The following PMEL variants were observed in gnomAD, a reference collection of about 807,000 sequenced individuals.
PMEL encodes premelanosome protein.
PMEL carries 53 observed loss-of-function variants against 64.9 expected under a neutral mutation model. The ratio of observed to expected loss-of-function variants is 0.82; its 90% CI spans 0.66 to 1.03. PMEL has a LOEUF of 1.03. Ranked by LOEUF, PMEL falls within the 50% of genes least tolerant of loss-of-function variation. PMEL has a pLI of 0.00. For synonymous variants in PMEL, 299 were observed against 316.2 expected, an observed-to-expected ratio of 0.95 and a Z score of 0.58; for missense variants, 716 against 814.9, an observed-to-expected ratio of 0.88 and a Z score of 1.48.
chr12:55,956,318 G>T, intron 6 of PMEL, 99 bp from the exon 7 acceptor site: 1 of 730,354 alleles, frequency 1.4e-6, no homozygotes, highest in Non-Finnish European at 2.4e-6. Flanking sequence ...CAGAGTTACT[G>T]GATTCTGGAG....
chr12:55,954,254 A>G lies in PMEL; in HGVS notation c.1946T>C (p.Ile649Thr). Reference sequence around the variant, plus strand: ...ACTGAGGAGGGGGCTGTTCTCACCAATGGGACAAGAGCAGAAGATGCGGGG... The same window carrying G: ...ACTGAGGAGGGGGCTGTTCTCACCAGTGGGACAAGAGCAGAAGATGCGGGG... ...RLPRIFCSCP[I>T]GENSPLLSGQ... The change falls in exon 11 of 11, where the codon ATT becomes ACT. Residue 649 changes from isoleucine (I) to threonine (T), a missense_variant. Transcript: ENST00000548747. The G allele has an allele frequency of 6.2e-7, 1 of 1,613,678 alleles. No individual in the cohort carries two copies. Among genetic ancestry groups the G allele is most frequent in the South Asian group, 1.1e-5 (1 of 91,034 alleles).
chr12:55,961,793 C>A, intron 1 of PMEL, 61 bp from the exon 2 acceptor site: 1 of 1,007,228 alleles, frequency 9.9e-7, no homozygotes, highest in Non-Finnish European at 1.6e-6. Flanking sequence ...AGGGATAACA[C>A]TCTATTCATG....
Position 55,955,828 on chromosome 12 carries a change from G to A in PMEL, c.1507C>T (p.Pro503Ser), listed in dbSNP as rs1312659400. Residue 503 changes from proline to serine, a missense_variant, in exon 8 of 11, where the codon CCG (proline) becomes TCG (serine). Physicochemically the swap from Pro to Ser is moderately conservative, Grantham distance 74 (BLOSUM62 -1). Coordinates refer to ENST00000548747, the MANE Select transcript of PMEL (RefSeq NM_001384361.1). The part of the protein sequence containing the change: ...IESAEILQAV[P>S]SGEGDAFELT... ...TCAAATGCATCCCCCTCACCGGACG[G>A]CACAGCCTGCAGGATCTCGGCACTT... The A allele has an allele frequency of 6.2e-7, 1 of 1,614,070 alleles. No individual in the cohort carries two copies. The highest frequency in any genetic ancestry group is 2.2e-5 in the East Asian group (1 of 44,876).
At chr12:55,955,899 CT>C in intron 7 of PMEL, 36 bp from the exon 8 acceptor site, 1 of 1,566,918 alleles carries the variant, frequency 6.4e-7, no homozygotes, top group Non-Finnish European at 8.8e-7. Context: ...TAGGATTCCT[CT>C]ACCTGGCCTC....
At position 55,961,319 on chromosome 12, in the gene PMEL, T is replaced by A; in HGVS notation, c.332A>T (p.Asn111Ile). 6.2e-7 allele frequency: 1 copy of A among 1,614,020 alleles called. No homozygotes were observed. The highest frequency in any genetic ancestry group is 8.5e-7 in the Non-Finnish European group (1 of 1,179,940). ...ACCTAGAATAGAGAAGTACTCACCA[T>A]TGATGATGGTATTGTTGACCCAGAT... The part of the protein sequence containing the change: ...QVIWVNNTII[N>I]GSQVWGGQPV... Residue 111 changes from asparagine (N) to isoleucine (I), a missense_variant and splice_region_variant, in exon 3 of 11, where the codon AAT becomes ATT. Asn to Ile is a moderately radical substitution (Grantham distance 149, BLOSUM62 -3). Coordinates refer to ENST00000548747, the MANE Select transcript of PMEL (RefSeq NM_001384361.1).
intron 5 of PMEL, 116 bp downstream of exon 5, chr12:55,957,806 TC>T: frequency 1.3e-6 from 2 of 1,509,166 alleles, no homozygotes; most frequent in Non-Finnish European, 1.8e-6. Context: ...GCCTAGGTCT[TC>T]CTGGCCCTTC....
Position 55,955,522 on chromosome 12 carries a change from A to G in PMEL, c.1704T>C (p.Asn568=), listed in dbSNP as rs751323327. The change falls in exon 9 of 11, where the codon AAT becomes AAC. Residue 568 remains asparagine, a synonymous_variant. Coordinates refer to ENST00000548747, the MANE Select transcript of PMEL (RefSeq NM_001384361.1). ...GGCTGTTGGTATCAGCCAGAGACAC[A>G]TTGAGGCAGTATGTCCCCGAGCCAC... The part of the protein sequence containing the change: ...LKGGSGTYCL[N]VSLADTNSLA... The G allele has an allele frequency of 6.2e-7, 1 of 1,614,152 alleles. No individual in the cohort carries two copies. Among genetic ancestry groups the G allele is most frequent in the Admixed American group, 1.7e-5 (1 of 60,010 alleles).
Position 55,958,614 on chromosome 12 carries a change from G to A in PMEL, c.335-7C>T, listed in dbSNP as rs902502956. 6.2e-7 allele frequency: 1 copy of A among 1,612,544 alleles called. No homozygotes were observed. Among genetic ancestry groups the A allele is most frequent in the Non-Finnish European group, 8.5e-7 (1 of 1,179,488 alleles). ...CCTCCCCACACCTGGCTCCCTGAAA[G>A]ATAAATACAGAGTCACTCTCAAACC... On this transcript the variant is annotated splice_region_variant and splice_polypyrimidine_tract_variant and intron_variant, in intron 3 of 10. Coordinates refer to ENST00000548747, the MANE Select transcript of PMEL (RefSeq NM_001384361.1).
At chr12:55,954,798 GGAAGCT>G (rs1186518570) in intron 10 of PMEL, among the ~76,000 whole-genome samples, 2 of 152,098 alleles carry the variant, frequency 1.3e-5, no homozygotes, top group African/African-American at 4.8e-5. Context: ...CAGCTACTCG[GGAAGCT>G]GAAGCAGGAG....
In PMEL at chr12:55,961,613, A is replaced by T. The variant is rs766921598; in HGVS notation, c.187+9T>A. The T allele has an allele frequency of 1.9e-6, 3 of 1,610,544 alleles. No individual in the cohort carries two copies. The highest frequency in any genetic ancestry group is 3.3e-5 in the Admixed American group (2 of 59,974). ...ACCATGCCCTCCCCTGGAACTTCCA[A>T]GTTCCTACCTCTCCAGCAGTCAAGT... On this transcript the variant is annotated intron_variant, in intron 2 of 10. Coordinates refer to ENST00000548747, the MANE Select transcript of PMEL (RefSeq NM_001384361.1).
At chr12:55,963,151 C>T (rs368542675) in intron 1 of PMEL, among the ~76,000 whole-genome samples, 75 of 149,186 alleles carry the variant, frequency 5.0e-4, no homozygotes, top group African/African-American at 1.6e-3. Context: ...AGCAAGACTC[C>T]GTCTCAAAAA....
chr12:55,958,961 G>C (rs1565775393), intron 3 of PMEL, among the ~76,000 whole-genome samples: 1 of 150,960 alleles, frequency 6.6e-6, no homozygotes, highest in Non-Finnish European at 1.5e-5. Context: ...TTATTTTTTT[G>C]TAGAGACAGG....
At chr12:55,955,912 C>A in intron 7 of PMEL, 49 bp from the exon 8 acceptor site, 3 of 1,520,156 alleles carry the variant, frequency 2.0e-6, no homozygotes, top group South Asian at 1.1e-5. Context: ...CCTGGCCTCC[C>A]CAAAAGCCCA....
intron 3 of PMEL, among the ~76,000 whole-genome samples, chr12:55,959,573 A>C (rs1403927866): frequency 6.6e-6 from 1 of 151,952 alleles, no homozygotes; most frequent in African/African-American, 2.4e-5. Context: ...GGGAGTCTGA[A>C]GCGGTTAAAT....
At chr12:55,957,778 T>G in intron 5 of PMEL, 107 bp from the exon 6 acceptor site, 1 of 1,514,384 alleles carries the variant, frequency 6.6e-7, no homozygotes. Context: ...TCACTGGCAC[T>G]AAGCCTCACA....
chr12:55,957,186 C>G lies in PMEL; in HGVS notation c.1117G>C (p.Gly373Arg). The part of the protein sequence containing the change: ...PVQMPTAEST[G>R]MTPEKVPVSE... ...ACTGGCACCTTCTCAGGTGTCATAC[C>G]TGTGCTCTCTGCAGTTGGCATCTGC... The change falls in exon 6 of 11, where the codon GGT becomes CGT. Residue 373 changes from glycine to arginine, a missense_variant. Transcript: ENST00000548747. 6.2e-7 allele frequency: 1 copy of G among 1,614,230 alleles called. No individual in the cohort carries two copies. The highest frequency in any genetic ancestry group is 1.7e-5 in the Admixed American group (1 of 60,032).
chr12:55,965,831 A>ACG, intron 1 of PMEL, 105 bp downstream of exon 1: 2 of 1,361,298 alleles, frequency 1.5e-6, no homozygotes, highest in Non-Finnish European at 2.1e-6. Flanking sequence ...TGAGTGGGAG[A>ACG]CGCCTGAAAT....
intron 6 of PMEL, 101 bp from the exon 7 acceptor site, chr12:55,956,320 AT>A (rs1292142306): frequency 2.7e-6 from 2 of 729,374 alleles, no homozygotes; most frequent in East Asian, 4.9e-5. Flanking sequence ...GAGTTACTGG[AT>A]TCTGGAGTCA....
At position 55,957,658 on chromosome 12, in the gene PMEL, G is replaced by A. The variant is rs780372062; in HGVS notation, c.645C>T (p.Phe215=). Residue 215 remains phenylalanine, a synonymous_variant, in exon 6 of 11, where the codon TTC becomes TTT. Transcript: ENST00000548747. ...SAFTITDQVP[F]SVSVSQLRAL... ...CCCGCAACTGGGACACGCTCACGGA[G>A]AAAGGCACCTGGTCTGGGATTGGAG... 1 of 1,611,240 alleles carries A rather than the reference G, an allele frequency of 6.2e-7. No individual in the cohort carries two copies. The highest frequency in any genetic ancestry group is 1.1e-5 in the South Asian group (1 of 90,738).
Sources: allele counts gnomAD v4.1 joint callset (sites outside exome capture counted in the v4.1 genomes callset), GRCh38; gene constraint gnomAD v4.1.1; transcripts MANE v1.5; gene names NCBI Gene and HGNC (gene_info 2026-07-23, HGNC 2026-07-21).